PDCD6IP: variants seen among roughly 807,000 people sequenced by gnomAD.
PDCD6IP encodes programmed cell death 6 interacting protein.
A neutral mutation model predicts 103.7 loss-of-function variants in PDCD6IP; 43 were observed. The ratio of observed to expected loss-of-function variants is 0.41; its 90% CI spans 0.32 to 0.53. PDCD6IP has a LOEUF of 0.53. PDCD6IP is among the 20% of genes least tolerant of loss of function. The probability of loss-of-function intolerance (pLI) is 0.16; values close to 1 mark genes in which losing one functional copy is unlikely to be tolerated. For synonymous variants in PDCD6IP, 354 were observed against 378.7 expected (o/e 0.93, Z 0.76); for missense variants, 871 against 1,036.7 (o/e 0.84, Z 2.20).
intron 9 of PDCD6IP, among the ~76,000 whole-genome samples, chr3:33,841,026 C>CTTTT (rs552141831): frequency 1.4e-5 from 2 of 140,746 alleles, no homozygotes; most frequent in Non-Finnish European, 3.1e-5. Flanking sequence ...TATTTTTTGA[C>CTTTT]TTTTTTTTTT....
chr3:33,813,759 C>A, intron 3 of PDCD6IP, 131 bp downstream of exon 3: 1 of 635,834 alleles, frequency 1.6e-6, no homozygotes. Context: ...CTCTTTTTAG[C>A]TTCAACTTTT....
chr3:33,866,662 C>T lies in PDCD6IP; in HGVS notation c.*137C>T, dbSNP rs1698073123. The T allele has an allele frequency of 8.3e-6, 5 of 600,932 alleles. No homozygotes were observed. The highest frequency in any genetic ancestry group is 5.2e-6 in the Non-Finnish European group (2 of 386,690). The allele number at this position is 600,932 out of a possible 1,614,324, so 37.2% of individuals were successfully genotyped here. ...GAATGCAGTGTATAATTTCTGTCTA[C>T]AGCTAGAAGCTGTGCCCCAGTTCCA... On this transcript the variant is annotated 3_prime_UTR_variant, in exon 18 of 18. Coordinates refer to ENST00000307296, the MANE Select transcript of PDCD6IP (RefSeq NM_013374.6).
At chr3:33,800,744 A>G (rs1359819593) in intron 1 of PDCD6IP, among the ~76,000 whole-genome samples, 3 of 152,212 alleles carry the variant, frequency 2.0e-5, no homozygotes, top group Non-Finnish European at 4.4e-5. Context: ...AATATTAAGA[A>G]AACATAGTTG....
chr3:33,845,428 A>G lies in PDCD6IP; in HGVS notation c.1481A>G (p.Asn494Ser), dbSNP rs372822946. ...LYKPLRAEGT[N>S]FRTVLDKAVQ... ...TTTTATTTTCTCCCAGAGGGAACCA[A>G]CTTCAGAACAGTTTTAGATAAAGCT... Residue 494 changes from asparagine (N) to serine (S), a missense_variant, in exon 12 of 18, where the codon AAC (asparagine) becomes AGC (serine). By Grantham distance (46) the Asn-to-Ser change is conservative. This residue lies in a region of PDCD6IP where 266 missense variants were observed against 390.5 expected (regional missense o/e 0.68). Coordinates refer to ENST00000307296, the MANE Select transcript of PDCD6IP (RefSeq NM_013374.6). 17 of 1,611,496 alleles carry G rather than the reference A, an allele frequency of 1.1e-5. No homozygotes were observed. Among genetic ancestry groups the G allele is most frequent in the African/African-American group, 6.7e-5 (5 of 74,810 alleles).
chr3:33,860,906 G>T (rs1326452390), intron 15 of PDCD6IP, among the ~76,000 whole-genome samples: 1 of 151,816 alleles, frequency 6.6e-6, no homozygotes, highest in Non-Finnish European at 1.5e-5. Flanking sequence ...TCAAATGTCT[G>T]GTTCTGGTTA....
At chr3:33,803,862 T>G (rs1048269097) in intron 1 of PDCD6IP, among the ~76,000 whole-genome samples, 3 of 152,218 alleles carry the variant, frequency 2.0e-5, no homozygotes, top group African/African-American at 7.2e-5. Flanking sequence ...TCCATCTTTT[T>G]GGTTTTTCTA....
At chr3:33,801,794 A>C (rs940283837) in intron 1 of PDCD6IP, among the ~76,000 whole-genome samples, 1 of 152,198 alleles carries the variant, frequency 6.6e-6, no homozygotes, top group Non-Finnish European at 1.5e-5. Context: ...GAAGCTCCAG[A>C]TATACCATTT....
intron 9 of PDCD6IP, among the ~76,000 whole-genome samples, chr3:33,841,593 C>A (rs1697475181): frequency 6.6e-6 from 1 of 151,500 alleles, no homozygotes; most frequent in Non-Finnish European, 1.5e-5. Flanking sequence ...CGCCCGCCAC[C>A]ACGCCCGGCT....
At chr3:33,824,505 A>C (rs1262285938) in intron 4 of PDCD6IP, among the ~76,000 whole-genome samples, 2 of 151,846 alleles carry the variant, frequency 1.3e-5, no homozygotes, top group Non-Finnish European at 2.9e-5. Context: ...TAATCTGCCC[A>C]CCTCAGCCTC....
chr3:33,821,924 T>C (rs752840662), intron 3 of PDCD6IP, 31 bp from the exon 4 acceptor site: 1 of 1,587,686 alleles, frequency 6.3e-7, no homozygotes, highest in Non-Finnish European at 8.6e-7. Flanking sequence ...AAAAATAATC[T>C]GATGAATTTT....
chr3:33,838,449 A>G, intron 9 of PDCD6IP, 122 bp downstream of exon 9: 2 of 860,246 alleles, frequency 2.3e-6, no homozygotes, highest in Admixed American at 2.5e-5. Flanking sequence ...AAATGTAGAC[A>G]CACACTTACA....
At chr3:33,809,763 CT>C in intron 1 of PDCD6IP, among the ~76,000 whole-genome samples, 1 of 152,300 alleles carries the variant, frequency 6.6e-6, no homozygotes, top group African/African-American at 2.4e-5. Context: ...CTCCTTCAAT[CT>C]GGACCAGTTC....
intron 15 of PDCD6IP, among the ~76,000 whole-genome samples, chr3:33,861,000 T>TA (rs202127648): frequency 1.6e-3 from 241 of 146,150 alleles, no homozygotes; most frequent in Middle Eastern, 3.5e-3. Context: ...TAGCCGTAGT[T>TA]AAAAAAAAAA....
chr3:33,825,558 T>TAA (rs1486657176), intron 5 of PDCD6IP, among the ~76,000 whole-genome samples: 1 of 152,246 alleles, frequency 6.6e-6, no homozygotes, highest in Non-Finnish European at 1.5e-5. Flanking sequence ...AGATCTTTAG[T>TAA]AATTGTCTTT....
At chr3:33,860,282 A>G (rs997019231) in intron 15 of PDCD6IP, among the ~76,000 whole-genome samples, 5 of 152,232 alleles carry the variant, frequency 3.3e-5, no homozygotes, top group Non-Finnish European at 7.3e-5. Flanking sequence ...TGAAAGGTGA[A>G]TGAAAGATGG....
intron 9 of PDCD6IP, among the ~76,000 whole-genome samples, chr3:33,838,794 G>GTA (rs746976103): frequency 1.5e-4 from 22 of 150,362 alleles, no homozygotes; most frequent in South Asian, 2.1e-4. Context: ...ATATATTTAT[G>GTA]TATATATATA....
At position 33,844,490 on chromosome 3, in the gene PDCD6IP, A is replaced by AT. The variant is rs537132684; in HGVS notation, c.1471+275dup. Among the ~76,000 whole-genome samples the AT allele has an allele frequency of 2.3e-3, 342 of 151,842 alleles. 1 individual carries two copies. Among genetic ancestry groups the AT allele is most frequent in the Non-Finnish European group, 3.1e-3 (209 of 67,922 alleles). ...ACTCTGTGCATATTTTATTTTATTT[A>AT]TTTTTTTTGAGACAAGGTCTCGCTG... On this transcript the variant is annotated intron_variant, in intron 11 of 17. Transcript: ENST00000307296.
intron 1 of PDCD6IP, chr3:33,810,952 GT>G (rs1696703773): frequency 4.9e-6 from 1 of 202,276 alleles, no homozygotes; most frequent in African/African-American, 2.5e-5. Flanking sequence ...CAGTGGCGCT[GT>G]CTTGGCCCAC....
intron 3 of PDCD6IP, 36 bp downstream of exon 3, chr3:33,813,664 G>A (rs373997652): frequency 1.1e-5 from 13 of 1,188,996 alleles, no homozygotes; most frequent in Non-Finnish European, 1.6e-5. Flanking sequence ...AGGAAAATTG[G>A]TCTAACTACT....
Sources: allele counts gnomAD v4.1 joint callset (sites outside exome capture counted in the v4.1 genomes callset), GRCh38; gene constraint gnomAD v4.1.1; regional missense constraint gnomAD v4.1.1; transcripts MANE v1.5; gene names NCBI Gene and HGNC (gene_info 2026-07-23, HGNC 2026-07-21).